Variants in NTRK3 observed in about 807,000 individuals in gnomAD.
The protein encoded by NTRK3 is neurotrophic receptor tyrosine kinase 3.
A neutral mutation model predicts 91.7 loss-of-function variants in NTRK3; 24 were observed. That is an observed-to-expected ratio of 0.26 (90% CI 0.19 to 0.37). NTRK3 has a LOEUF of 0.37. NTRK3 is among the 10% of genes least tolerant of loss of function. The pLI is 1.00. For missense variants in NTRK3, 880 were observed against 1,068.9 expected, an observed-to-expected ratio of 0.82 and a Z score of 2.46; for synonymous variants, 483 against 404.0, an observed-to-expected ratio of 1.20 and a Z score of -2.34.
At chr15:87,991,842 T>G (rs940597511) in intron 14 of NTRK3, among the ~76,000 whole-genome samples, 1 of 152,138 alleles carries the variant, frequency 6.6e-6, no homozygotes, top group African/African-American at 2.4e-5. Context: ...AGTAAATTAC[T>G]TAACTTCCCT....
At position 88,233,973 on chromosome 15, in the gene NTRK3, T is replaced by C. The variant is rs944314746; in HGVS notation, c.248+21933A>G. Among the ~76,000 whole-genome samples, 10 of 152,188 alleles carry C rather than the reference T, an allele frequency of 6.6e-5. No individual in the cohort carries two copies. Among genetic ancestry groups the C allele is most frequent in the Non-Finnish European group, 1.5e-4 (10 of 68,042 alleles). On this transcript the variant is annotated intron_variant, in intron 3 of 18. Transcript: ENST00000394480. The surrounding 1 kb of genome is among the most constrained non-coding windows in gnomAD (Gnocchi z 4.2). ...TTAATATTTAAACATGTTAATTAAA[T>C]CTCCGAATAAACAAATATATTTTAG...
At chr15:88,149,652 G>T (rs991197606) in intron 5 of NTRK3, among the ~76,000 whole-genome samples, 1 of 152,226 alleles carries the variant, frequency 6.6e-6, no homozygotes, top group Admixed American at 6.5e-5. Flanking sequence ...ATGACCACCT[G>T]AGGACACCAC....
chr15:87,950,133 G>T (rs141151892), intron 14 of NTRK3, among the ~76,000 whole-genome samples: 172 of 152,298 alleles, frequency 1.1e-3, no homozygotes, highest in African/African-American at 3.5e-3. Flanking sequence ...ACCAGAACAC[G>T]CAGAGCACAA....
chr15:88,193,537 T>C (rs969932543), intron 3 of NTRK3, among the ~76,000 whole-genome samples: 7 of 152,180 alleles, frequency 4.6e-5, no homozygotes, highest in African/African-American at 1.2e-4. Flanking sequence ...TACATGACTA[T>C]GGCCTTCACC....
Position 87,865,833 on chromosome 15 carries a change from C to T in NTRK3, c.*11102G>A, listed in dbSNP as rs187483397. The T allele has an allele frequency of 2.8e-4, 65 of 228,998 alleles. No individual in the cohort carries two copies. The East Asian group carries it at 4.0e-3, about 14-fold the overall frequency. The allele number at this position is 228,998 out of a possible 1,614,324, so 14.2% of individuals were successfully genotyped here. A position where few individuals can be genotyped will look rare whatever the true frequency, so the allele number is the denominator to read the frequency against. On this transcript the variant is annotated 3_prime_UTR_variant, in exon 19 of 19. Transcript: ENST00000394480. Reference sequence around the variant, plus strand: ...CCAAATAGATAAAGAATCCCCCTGTCTCCTTGTATTTTTTAGAGCATTCTC... The same window carrying T: ...CCAAATAGATAAAGAATCCCCCTGTTTCCTTGTATTTTTTAGAGCATTCTC...
intron 17 of NTRK3, among the ~76,000 whole-genome samples, chr15:87,915,386 G>A (rs886323926): frequency 2.6e-5 from 4 of 152,196 alleles, no homozygotes; most frequent in African/African-American, 7.2e-5. Flanking sequence ...TGGAGAAGGA[G>A]GTTTTAATTC....
At chr15:88,221,313 G>A (rs2050214969) in intron 3 of NTRK3, among the ~76,000 whole-genome samples, 2 of 152,126 alleles carry the variant, frequency 1.3e-5, no homozygotes, top group Admixed American at 1.3e-4. Context: ...TTGAATCCTA[G>A]CTTTTCTTCA....
intron 14 of NTRK3, among the ~76,000 whole-genome samples, chr15:88,006,260 C>G (rs565810740): frequency 6.6e-6 from 1 of 152,192 alleles, no homozygotes. Flanking sequence ...CCACCCCCAC[C>G]GTAAGAGTGT....
At chr15:88,128,517 A>G (rs1401156382) in intron 11 of NTRK3, among the ~76,000 whole-genome samples, 194 bp downstream of exon 11, 1 of 152,180 alleles carries the variant, frequency 6.6e-6, no homozygotes, top group Non-Finnish European at 1.5e-5. Flanking sequence ...CAGAGTGATT[A>G]CCCAAGAAAA....
chr15:87,998,090 A>G (rs2075834254), intron 14 of NTRK3, among the ~76,000 whole-genome samples: 1 of 152,160 alleles, frequency 6.6e-6, no homozygotes, highest in Non-Finnish European at 1.5e-5. Context: ...GCATTGTGGG[A>G]TATTTAGCAG....
At chr15:88,108,392 C>T (rs2050946122) in intron 13 of NTRK3, among the ~76,000 whole-genome samples, 1 of 152,202 alleles carries the variant, frequency 6.6e-6, no homozygotes, top group South Asian at 2.1e-4. Context: ...TTCCTCACTT[C>T]TGGCCTCTCA....
At chr15:88,063,557 T>C (rs1479387343) in intron 13 of NTRK3, among the ~76,000 whole-genome samples, 1 of 152,224 alleles carries the variant, frequency 6.6e-6, no homozygotes, top group Non-Finnish European at 1.5e-5. Context: ...CTTAGCACTG[T>C]AGCTGGTCCT....
chr15:88,152,685 T>G (rs2043498062), intron 5 of NTRK3, among the ~76,000 whole-genome samples: 1 of 152,208 alleles, frequency 6.6e-6, no homozygotes, highest in Non-Finnish European at 1.5e-5. Context: ...CGGCCCCTCA[T>G]TTGCCCTGAG....
chr15:87,865,623 A>T, exon 19 of NTRK3: 1 of 218,002 alleles, frequency 4.6e-6, no homozygotes, highest in Non-Finnish European at 9.2e-6. Flanking sequence ...TTATACCACC[A>T]AATTTATAGA....
intron 14 of NTRK3, among the ~76,000 whole-genome samples, chr15:87,955,844 A>G (rs2071599938): frequency 6.6e-6 from 1 of 152,162 alleles, no homozygotes; most frequent in Non-Finnish European, 1.5e-5. Context: ...TGTTGGTTCA[A>G]TCCTTTTCAT....
intron 1 of NTRK3, 52 bp from the exon 2 acceptor site, chr15:88,256,538 G>T: frequency 1.9e-6 from 1 of 514,168 alleles, no homozygotes; most frequent in East Asian, 3.2e-5. Flanking sequence ...AAAGGAAAAG[G>T]AAAAAATGGT....
chr15:88,112,172 C>G (rs1255269167), intron 13 of NTRK3, among the ~76,000 whole-genome samples: 1 of 152,186 alleles, frequency 6.6e-6, no homozygotes, highest in Non-Finnish European at 1.5e-5. Flanking sequence ...TCCCAAAGTG[C>G]TAGGATTACA....
intron 5 of NTRK3, among the ~76,000 whole-genome samples, chr15:88,158,741 C>A (rs1353878007): frequency 6.6e-6 from 1 of 152,128 alleles, no homozygotes; most frequent in Non-Finnish European, 1.5e-5. Flanking sequence ...CGCTGCCAGG[C>A]AGATGCTGGG....
chr15:87,930,038 G>T (rs576694260), intron 16 of NTRK3, among the ~76,000 whole-genome samples: 1 of 152,150 alleles, frequency 6.6e-6, no homozygotes, highest in Admixed American at 6.5e-5. Flanking sequence ...TGATTGGCTA[G>T]GTGAGCTTGC....
Sources: allele counts gnomAD v4.1 joint callset (sites outside exome capture counted in the v4.1 genomes callset), GRCh38; gene constraint gnomAD v4.1.1; non-coding constraint Gnocchi (gnomAD v3.1); transcripts MANE v1.5; gene names NCBI Gene and HGNC (gene_info 2026-07-23, HGNC 2026-07-21).